Variants in OR2T2 observed in about 807,000 individuals in gnomAD.
OR2T2 encodes olfactory receptor 2T2.
For missense variants in OR2T2, 138 were observed against 409.1 expected (o/e 0.34, Z 5.72); for synonymous variants, 50 against 162.7 (o/e 0.31, Z 5.27).
intron 2 of OR2T2, among the ~76,000 whole-genome samples, 174 bp downstream of exon 3, chr1:248,449,566 C>CTCATCCA (rs1662742839): frequency 6.9e-6 from 1 of 145,914 alleles, no homozygotes; most frequent in African/African-American, 2.7e-5. Flanking sequence ...TCACTCATCC[C>CTCATCCA]TCATCCATCA....
At chr1:248,454,862 C>CCT (rs1220493480) in exon 3 of OR2T2, 3 of 95,426 alleles carry the variant, frequency 3.1e-5, no homozygotes, top group African/African-American at 1.3e-4. Context: ...TGGCCAAAAA[C>CCT]CTACAAAACT....
chr1:248,447,431 C>T lies in OR2T2; in HGVS notation c.-23+620C>T, dbSNP rs868842581. ...CTCCCATTTGCACCTTATTTCTCGA[C>T]GCTGAGTTCTGGTCTCCCTGCCTTC... On this transcript the variant is annotated intron_variant, in intron 2 of 2. Coordinates refer to ENST00000642130, the Ensembl canonical transcript of OR2T2. 6.7e-5 allele frequency among the ~76,000 whole-genome samples: 9 copies of T among 134,010 alleles called. No homozygotes were observed. In the South Asian group the frequency reaches 7.5e-4, roughly 11 times the overall value. The allele number at this position is 134,010 out of a possible 152,430, so 87.9% of individuals were successfully genotyped here.
At chr1:248,446,160 C>T (rs113918234) in intron 1 of OR2T2, among the ~76,000 whole-genome samples, 9,994 of 141,730 alleles carry the variant, frequency 0.071, 293 homozygotes, top group East Asian at 0.16. Context: ...GGAGGGAAAT[C>T]ATGATTTTTT....
Position 248,446,244 on chromosome 1 carries a change from T to TTA in OR2T2, c.-245-345_-245-344insTA, listed in dbSNP as rs1438437217. On this transcript the variant is annotated intron_variant, in intron 1 of 2. Coordinates refer to ENST00000642130, the Ensembl canonical transcript of OR2T2. The stretch of plus-strand genomic sequence containing the variant: ...ACGTGTGCCTTAAGATCTTTTTTTT[T>TTA]AATAAAACTATTAGAGGTCTCCTAG... 2.1e-5 allele frequency among the ~76,000 whole-genome samples: 3 copies of TTA among 144,582 alleles called. No homozygotes were observed. The East Asian group carries it at 5.8e-4, about 28-fold the overall frequency. 94.9% of individuals were successfully genotyped at this position (144,582 alleles called of 152,430 possible). A position where few individuals can be genotyped will look rare whatever the true frequency, so the allele number is the denominator to read the frequency against.
chr1:248,453,333 T>C (rs1662857129), exon 3 of OR2T2: 1 of 1,572,142 alleles, frequency 6.4e-7, no homozygotes, highest in Non-Finnish European at 8.7e-7. Flanking sequence ...AATCACTTTT[T>C]CTGTGAGATC....
In OR2T2 at chr1:248,446,200, T is replaced by C. The variant is rs776197842; in HGVS notation, c.-245-389T>C. Among the ~76,000 whole-genome samples the C allele has an allele frequency of 1.0e-4, 15 of 143,862 alleles. 2 individuals carry two copies. The highest frequency in any genetic ancestry group is 1.8e-4 in the Non-Finnish European group (12 of 67,124). 94.4% of individuals were successfully genotyped at this position (143,862 alleles called of 152,430 possible). A position where few individuals can be genotyped will look rare whatever the true frequency, so the allele number is the denominator to read the frequency against. On this transcript the variant is annotated intron_variant, in intron 1 of 2. Coordinates refer to ENST00000642130, the Ensembl canonical transcript of OR2T2. ...TCATTTTAACCTCCTTCCTCTTTTATTGAACCCATAAGGCATCCACGTGTG... is the reference window on the plus strand; with the variant it reads ...TCATTTTAACCTCCTTCCTCTTTTACTGAACCCATAAGGCATCCACGTGTG...
chr1:248,446,519 T>TCC (rs1662658758), intron 1 of OR2T2, 70 bp from the exon 2 acceptor site: 1 of 142,498 alleles, frequency 7.0e-6, no homozygotes, highest in Non-Finnish European at 1.5e-5. Flanking sequence ...TGGGCTCGCC[T>TCC]CGCCTCACCT....
chr1:248,453,802 C>T (rs1558342344), exon 3 of OR2T2: 3 of 1,483,166 alleles, frequency 2.0e-6, no homozygotes, highest in East Asian at 2.8e-5. Flanking sequence ...AGAGTGGTGA[C>T]TGTGATCGGG....
rs550957565 is a variant in OR2T2, at chr1:248,447,635, C to G, written c.-23+824C>G. On this transcript the variant is annotated intron_variant, in intron 2 of 2. Transcript: ENST00000642130. ...TCCTCTCTCCTTCAGTCTCGAGTTTCGGAATCAGACCGGTTTCCCTCTCTA... is the reference window on the plus strand; with the variant it reads ...TCCTCTCTCCTTCAGTCTCGAGTTTGGGAATCAGACCGGTTTCCCTCTCTA... Among the ~76,000 whole-genome samples, 612 of 151,200 alleles carry G rather than the reference C, an allele frequency of 4.0e-3. 2 individuals are homozygous for G. The highest frequency in any genetic ancestry group is 5.3e-3 in the Admixed American group (81 of 15,192).
chr1:248,446,235 C>CTTT lies in OR2T2; in HGVS notation c.-245-347_-245-345dup, dbSNP rs144488546. ...AAGGCATCCACGTGTGCCTTAAGAT[C>CTTT]TTTTTTTTTAATAAAACTATTAGAG... On this transcript the variant is annotated intron_variant, in intron 1 of 2. Transcript: ENST00000642130. Among the ~76,000 whole-genome samples, 108 of 139,454 alleles carry CTTT rather than the reference C, an allele frequency of 7.7e-4. 2 individuals carry two copies. The South Asian group carries it at 0.014, about 18-fold the overall frequency. 91.5% of individuals were successfully genotyped at this position (139,454 alleles called of 152,430 possible). A position where few individuals can be genotyped will look rare whatever the true frequency, so the allele number is the denominator to read the frequency against.
chr1:248,449,804 C>CTT (rs1230008233), intron 2 of OR2T2, among the ~76,000 whole-genome samples: 1 of 28,230 alleles, frequency 3.5e-5, no homozygotes, highest in Admixed American at 4.0e-4. Context: ...CAAATAAAAG[C>CTT]TTTTTCTTTT....
At chr1:248,445,773 G>A (rs1490227421) in intron 1 of OR2T2, 104 bp downstream of exon 1, 1 of 151,946 alleles carries the variant, frequency 6.6e-6, no homozygotes. Flanking sequence ...TTACTACTGT[G>A]AGCTTATCTG....
chr1:248,453,831 C>T (rs1178765744), exon 3 of OR2T2: 8 of 1,421,066 alleles, frequency 5.6e-6, no homozygotes, highest in Non-Finnish European at 7.5e-6. Context: ...GCGGGGACTC[C>T]CAGAGCATCA....
chr1:248,453,188 C>G (rs201358929), exon 3 of OR2T2: 17 of 1,611,000 alleles, frequency 1.1e-5, no homozygotes, highest in Non-Finnish European at 1.4e-5. Context: ...GTGCAACCCT[C>G]TACGGTACCC....
intron 2 of OR2T2, among the ~76,000 whole-genome samples, chr1:248,449,706 C>CCT (rs1333128791): frequency 7.9e-6 from 1 of 126,042 alleles, no homozygotes. Context: ...TATAACTGGT[C>CCT]CTGGGGGTCA....
chr1:248,447,068 G>A (rs1420656337), intron 2 of OR2T2, among the ~76,000 whole-genome samples: 7 of 151,996 alleles, frequency 4.6e-5, no homozygotes, highest in African/African-American at 1.2e-4. Context: ...GGCAGATAAA[G>A]GGGGGTGGTA....
intron 2 of OR2T2, among the ~76,000 whole-genome samples, 158 bp from the exon 3 acceptor site, chr1:248,449,035 AC>A (rs1662730124): frequency 7.0e-6 from 1 of 143,732 alleles, no homozygotes; most frequent in Non-Finnish European, 1.5e-5. Context: ...TTGATATGAT[AC>A]ATTAATCAAA....
At chr1:248,448,028 CT>C (rs1273636778) in intron 2 of OR2T2, among the ~76,000 whole-genome samples, 1 of 152,292 alleles carries the variant, frequency 6.6e-6, no homozygotes, top group East Asian at 1.9e-4. Flanking sequence ...CATTCAGTAG[CT>C]GTCTAGGTTA....
intron 2 of OR2T2, among the ~76,000 whole-genome samples, chr1:248,447,786 G>C (rs1340218773): frequency 6.6e-6 from 1 of 151,940 alleles, no homozygotes; most frequent in African/African-American, 2.4e-5. Flanking sequence ...TCAGTCTCTA[G>C]CCCTAGGGTT....
Sources: gnomAD v4.1 joint callset for allele counts (sites outside exome capture counted in the v4.1 genomes callset) on GRCh38, gnomAD v4.1.1 for gene constraint, MANE v1.5 for transcripts, NCBI Gene and HGNC (gene_info 2026-07-23, HGNC 2026-07-21) for gene names.